The following RGPD3 variants were observed in gnomAD, a reference collection of about 807,000 sequenced individuals.
The protein encoded by RGPD3 is ranBP2-like and GRIP domain-containing protein 3.
A neutral mutation model predicts 154.5 loss-of-function variants in RGPD3; 62 were observed. The ratio of observed to expected loss-of-function variants is 0.40; its 90% CI spans 0.33 to 0.50. The LOEUF is 0.50. RGPD3 is among the 20% of genes least tolerant of loss of function. The pLI is 0.59. For synonymous variants in RGPD3, 308 were observed against 607.0 expected, an observed-to-expected ratio of 0.51 and a Z score of 7.24; for missense variants, 919 against 1,716.8, an observed-to-expected ratio of 0.54 and a Z score of 8.21.
chr2:106,413,613 T>C (rs1369989736), intron 21 of RGPD3, among the ~76,000 whole-genome samples: 1 of 152,154 alleles, frequency 6.6e-6, no homozygotes, highest in Non-Finnish European at 1.5e-5. Context: ...TATTTGGGGT[T>C]GGAAGGAAGA....
At chr2:106,427,042 GC>G (rs1413062671) in intron 18 of RGPD3, among the ~76,000 whole-genome samples, 1 of 151,314 alleles carries the variant, frequency 6.6e-6, no homozygotes, top group African/African-American at 2.4e-5. Context: ...CTGCATGAAA[GC>G]AAAAAGAAAA....
intron 9 of RGPD3, among the ~76,000 whole-genome samples, chr2:106,437,530 G>A (rs1050507101): frequency 1.1e-4 from 17 of 152,236 alleles, no homozygotes; most frequent in Admixed American, 2.0e-4. Flanking sequence ...GAAAAGAAAA[G>A]AAAAGAAAAG....
In RGPD3 at chr2:106,457,080, T is replaced by C; in HGVS notation, c.296A>G (p.Lys99Arg). 1.2e-6 allele frequency: 2 copies of C among 1,611,622 alleles called. No individual in the cohort carries two copies. Among genetic ancestry groups the C allele is most frequent in the East Asian group, 4.5e-5 (2 of 44,776 alleles). Residue 99 changes from lysine (K) to arginine (R), a missense_variant, in exon 4 of 23, where the codon AAG (lysine) becomes AGG (arginine). Coordinates refer to ENST00000409886, the MANE Select transcript of RGPD3 (RefSeq NM_001144013.2). The stretch of plus-strand genomic sequence containing the variant: ...ATTTTTACAAAGCAATTCTGCAATC[T>C]TCAACACAAGATCTTTTTGTGTTGG... ...LNPTQKDLVL[K>R]IAELLCKNDV...
chr2:106,434,167 C>T lies in RGPD3; in HGVS notation c.2205+61G>A, dbSNP rs371303684. ...TGAAATTACCAAAATATAAGACCAA[C>T]GCAAAAACACTGACCAGTGGGTTAT... On this transcript the variant is annotated intron_variant, in intron 15 of 22. Transcript: ENST00000409886. 106 of 1,595,766 alleles carry T rather than the reference C, an allele frequency of 6.6e-5. 1 individual carries two copies. The highest frequency in any genetic ancestry group is 5.6e-4 in the South Asian group (51 of 90,446).
intron 1 of RGPD3, 40 bp downstream of exon 1, chr2:106,468,177 G>A (rs763824592): frequency 2.5e-5 from 39 of 1,571,530 alleles, no homozygotes; most frequent in Non-Finnish European, 7.8e-6. Context: ...GCCGCCGCCC[G>A]GCCAGGTCGA....
rs201262008 is a variant in RGPD3 at position 106,435,190 on chromosome 2, T to C, written c.1771A>G (p.Asn591Asp). 1 of 1,605,180 alleles carries C rather than the reference T, an allele frequency of 6.2e-7. No individual in the cohort carries two copies. Among genetic ancestry groups the C allele is most frequent in the African/African-American group, 1.4e-5 (1 of 73,530 alleles). The change falls in exon 13 of 23, where the codon AAT (asparagine) becomes GAT (aspartate). Residue 591 changes from asparagine (N) to aspartate (D), a missense_variant. Asn to Asp is a conservative substitution (Grantham distance 23, BLOSUM62 1). Transcript: ENST00000409886. ...TATTCTCGTTGATCATAAAAAGAAT[T>C]AAGACCGCTGCCCTAAAAAAGAAAG... ...KCLQKMGSGL[N>D]SFYDQREYIG... is the part of the protein sequence containing the mutation.
At chr2:106,443,989 CCTAG>C (rs1677838403) in intron 7 of RGPD3, among the ~76,000 whole-genome samples, 1 of 151,548 alleles carries the variant, frequency 6.6e-6, no homozygotes, top group South Asian at 2.1e-4. Context: ...AGCCACCATG[CCTAG>C]CTATTTCCTC....
At chr2:106,468,860 G>A (rs1281323161), upstream of RGPD3, among the ~76,000 whole-genome samples, 2 of 144,794 alleles carry the variant, frequency 1.4e-5, no homozygotes, top group African/African-American at 5.1e-5. Context: ...TGAGGCAGCT[G>A]AGGAACTAAG....
chr2:106,415,674 CAAAAAAAAAA>C (rs879163469), intron 21 of RGPD3, among the ~76,000 whole-genome samples, 166 bp downstream of exon 21: 1 of 44,754 alleles, frequency 2.2e-5, no homozygotes, highest in African/African-American at 1.0e-4. Context: ...AAGACTGTCT[CAAAAAAAAAA>C]AAAAAAAAAA....
chr2:106,435,553 T>C (rs1294961397), intron 12 of RGPD3, among the ~76,000 whole-genome samples: 244 of 143,448 alleles, frequency 1.7e-3, no homozygotes, highest in Middle Eastern at 7.0e-3. Context: ...ATGATCTCGA[T>C]CTCCTGACCT....
intron 1 of RGPD3, among the ~76,000 whole-genome samples, chr2:106,464,320 G>A (rs1458849238): frequency 2.9e-5 from 4 of 140,228 alleles, no homozygotes; most frequent in Admixed American, 7.4e-5. Context: ...CAGCCTGGAC[G>A]ATAGAGCGAG....
At position 106,466,167 on chromosome 2, in the gene RGPD3, C is replaced by T. The variant is rs1320877741; in HGVS notation, c.72+2050G>A. Reference sequence around the variant, plus strand: ...AGGAGCGAGCACCGTCGGGAACAAGCGTCGGGAACAAGCCGGGAGAAAGAG... The same window carrying T: ...AGGAGCGAGCACCGTCGGGAACAAGTGTCGGGAACAAGCCGGGAGAAAGAG... On this transcript the variant is annotated intron_variant, in intron 1 of 22. Transcript: ENST00000409886. Among the ~76,000 whole-genome samples, 16 of 149,038 alleles carry T rather than the reference C, an allele frequency of 1.1e-4. No homozygotes were observed. The East Asian group carries it at 2.9e-3, about 27-fold the overall frequency.
At chr2:106,441,143 T>A (rs1677729924) in intron 8 of RGPD3, 150 bp downstream of exon 8, 1 of 694,154 alleles carries the variant, frequency 1.4e-6, no homozygotes. Flanking sequence ...TCTTCGCATC[T>A]CTTCCATACC....
At chr2:106,461,912 C>T (rs1340813670) in intron 1 of RGPD3, among the ~76,000 whole-genome samples, 3 of 152,016 alleles carry the variant, frequency 2.0e-5, no homozygotes, top group East Asian at 1.9e-4. Context: ...AGGCTTGTTC[C>T]CCCCTTCCTT....
chr2:106,424,300 C>A lies in RGPD3; in HGVS notation c.3667G>T (p.Gly1223Cys), dbSNP rs765918840. 35 of 1,611,814 alleles carry A rather than the reference C, an allele frequency of 2.2e-5. No homozygotes were observed. Among genetic ancestry groups the A allele is most frequent in the South Asian group, 7.7e-5 (7 of 90,982 alleles). ...GCACCGGCCGCACCTGTACCTGAACCCTTATTTTCTTCCTCAGCGACTTTT... is the reference window on the plus strand; with the variant it reads ...GCACCGGCCGCACCTGTACCTGAACACTTATTTTCTTCCTCAGCGACTTTT... ...QTKVAEEENK[G>C]SGTGAAGASD... is the part of the protein sequence containing the mutation. The change falls in exon 20 of 23, where the codon GGT (glycine) becomes TGT (cysteine). Residue 1223 changes from glycine (G) to cysteine (C), a missense_variant. Transcript: ENST00000409886.
At chr2:106,434,103 C>G (rs1558846538) in intron 15 of RGPD3, 125 bp downstream of exon 15, 1 of 1,543,352 alleles carries the variant, frequency 6.5e-7, no homozygotes, top group African/African-American at 1.4e-5. Flanking sequence ...ACACACATCC[C>G]TTCTGTGCAT....
chr2:106,412,311 T>G (rs1027880981), intron 22 of RGPD3, among the ~76,000 whole-genome samples: 3 of 94,952 alleles, frequency 3.2e-5, no homozygotes, highest in Non-Finnish European at 4.3e-5. Flanking sequence ...TTTTTTTTTT[T>G]TTTTTTTTTT....
intron 6 of RGPD3, among the ~76,000 whole-genome samples, chr2:106,449,833 C>A (rs78502104): frequency 6.7e-6 from 1 of 148,364 alleles, no homozygotes; most frequent in South Asian, 2.2e-4. Flanking sequence ...CTGGCTAACA[C>A]AGTGAAACCC....
chr2:106,412,321 T>TTTTTGTTTTG (rs1676699603), intron 22 of RGPD3, among the ~76,000 whole-genome samples: 1 of 99,978 alleles, frequency 1.0e-5, no homozygotes, highest in South Asian at 4.0e-4. Context: ...TTTTTTTTTT[T>TTTTTGTTTTG]TTTTTTTTTT....
Sources: allele counts gnomAD v4.1 joint callset (sites outside exome capture counted in the v4.1 genomes callset), GRCh38; gene constraint gnomAD v4.1.1; transcripts MANE v1.5; gene names NCBI Gene and HGNC (gene_info 2026-07-23, HGNC 2026-07-21).